The following NCAM2 variants were observed in gnomAD, a reference collection of about 807,000 sequenced individuals.
The protein encoded by NCAM2 is neural cell adhesion molecule 2.
In NCAM2, 30 loss-of-function variants were observed where a neutral mutation model predicts 98.1. The observed-to-expected ratio is 0.31, with a 90% CI of 0.23 to 0.41. The LOEUF is 0.41. NCAM2 is among the 10% of genes least tolerant of loss of function. The probability of loss-of-function intolerance (pLI) is 1.00; values close to 1 mark genes in which losing one functional copy is unlikely to be tolerated. For missense variants in NCAM2, 867 were observed against 1,005.8 expected, an observed-to-expected ratio of 0.86 and a Z score of 1.87; for synonymous variants, 368 against 342.4, an observed-to-expected ratio of 1.07 and a Z score of -0.83.
chr21:21,113,226 G>A (rs902535661), intron 1 of NCAM2, among the ~76,000 whole-genome samples: 1 of 152,160 alleles, frequency 6.6e-6, no homozygotes, highest in Non-Finnish European at 1.5e-5. Context: ...CTTTGCGCTA[G>A]TAGGCAAAAG....
At chr21:21,436,869 C>G (rs890113067) in intron 12 of NCAM2, among the ~76,000 whole-genome samples, 1 of 151,488 alleles carries the variant, frequency 6.6e-6, no homozygotes, top group Non-Finnish European at 1.5e-5. Flanking sequence ...TCAAGCGATT[C>G]TCGTGCCTCA....
intron 1 of NCAM2, among the ~76,000 whole-genome samples, chr21:21,005,363 T>C (rs1953130227): frequency 6.6e-6 from 1 of 152,064 alleles, no homozygotes; most frequent in South Asian, 2.1e-4. Flanking sequence ...CCGCATGAAG[T>C]TTTACGTTTA....
At chr21:21,187,364 A>G (rs1163788600) in intron 1 of NCAM2, among the ~76,000 whole-genome samples, 1 of 152,194 alleles carries the variant, frequency 6.6e-6, no homozygotes, top group African/African-American at 2.4e-5. Context: ...TCACATAGTC[A>G]TGCTGCACCA....
intron 1 of NCAM2, among the ~76,000 whole-genome samples, chr21:21,256,229 G>A (rs1202528628): frequency 2.0e-5 from 3 of 151,918 alleles, no homozygotes; most frequent in South Asian, 4.1e-4. Flanking sequence ...GGTGGTGGGC[G>A]CCTGTAATCC....
intron 1 of NCAM2, among the ~76,000 whole-genome samples, chr21:21,057,323 C>T (rs1300782614): frequency 6.6e-6 from 1 of 152,088 alleles, no homozygotes; most frequent in Non-Finnish European, 1.5e-5. Context: ...CAAAGACGTG[C>T]AATTACCTAT....
intron 1 of NCAM2, among the ~76,000 whole-genome samples, chr21:21,080,789 A>T (rs2065782005): frequency 6.6e-6 from 1 of 151,886 alleles, no homozygotes; most frequent in African/African-American, 2.4e-5. Context: ...TTAAAGTGTT[A>T]CTAGAGGCAG....
intron 16 of NCAM2, among the ~76,000 whole-genome samples, chr21:21,524,107 C>A (rs1426864507): frequency 6.6e-6 from 1 of 151,554 alleles, no homozygotes; most frequent in Non-Finnish European, 1.5e-5. Flanking sequence ...TAGAAAAAGA[C>A]ATACTATGCT....
chr21:21,432,489 A>G (rs1214929717), intron 12 of NCAM2, among the ~76,000 whole-genome samples: 1 of 151,756 alleles, frequency 6.6e-6, no homozygotes, highest in Non-Finnish European at 1.5e-5. Flanking sequence ...AGAGCTTAGT[A>G]GAATCAGCAG....
Position 21,259,239 on chromosome 21 carries a change from C to T in NCAM2, c.56-21339C>T, listed in dbSNP as rs886630164. Among the ~76,000 whole-genome samples the T allele has an allele frequency of 5.3e-5, 8 of 152,280 alleles. No individual in the cohort carries two copies. In the East Asian group the frequency reaches 1.6e-3, roughly 30 times the overall value. On this transcript the variant is annotated intron_variant, in intron 1 of 17. Coordinates refer to ENST00000400546, the MANE Select transcript of NCAM2 (RefSeq NM_004540.5). ...GAGGACAGACAAGCCATAGAGTTGT[C>T]TGCTCTGGACTGAGAGAAGAGTCTC...
At chr21:21,139,681 ATTGT>A (rs1438602054) in intron 1 of NCAM2, among the ~76,000 whole-genome samples, 1 of 152,188 alleles carries the variant, frequency 6.6e-6, no homozygotes, top group African/African-American at 2.4e-5. Context: ...GGAAGATTAA[ATTGT>A]TTGAAAATAT....
At chr21:21,218,373 G>A (rs1279490427) in intron 1 of NCAM2, among the ~76,000 whole-genome samples, 2 of 152,054 alleles carry the variant, frequency 1.3e-5, no homozygotes. Flanking sequence ...TGTTCAATAC[G>A]GAGGGCCACA....
intron 1 of NCAM2, among the ~76,000 whole-genome samples, chr21:21,125,680 A>G (rs2066803353): frequency 8.1e-6 from 1 of 122,988 alleles, no homozygotes; most frequent in Non-Finnish European, 1.7e-5. Context: ...ATATATAGAG[A>G]TATATATGTA....
intron 1 of NCAM2, among the ~76,000 whole-genome samples, chr21:21,207,435 T>G (rs2069481538): frequency 6.6e-6 from 1 of 152,170 alleles, no homozygotes; most frequent in African/African-American, 2.4e-5. Flanking sequence ...AAATTAAAGA[T>G]ACTGTGTTTG....
chr21:21,053,732 T>C (rs534466267), intron 1 of NCAM2, among the ~76,000 whole-genome samples: 2 of 151,770 alleles, frequency 1.3e-5, no homozygotes, highest in African/African-American at 4.8e-5. Flanking sequence ...TTCTGTCATT[T>C]TGCGTTTTGT....
At chr21:21,519,607 T>G (rs73326900) in intron 16 of NCAM2, among the ~76,000 whole-genome samples, 108 of 152,240 alleles carry the variant, frequency 7.1e-4, no homozygotes, top group African/African-American at 2.5e-3. Flanking sequence ...TTTTAAAACC[T>G]GCTGAGTTTA....
At chr21:21,448,201 A>ATACT (rs1215539427) in intron 12 of NCAM2, among the ~76,000 whole-genome samples, 1 of 152,170 alleles carries the variant, frequency 6.6e-6, no homozygotes, top group East Asian at 1.9e-4. Flanking sequence ...ACACCATGGA[A>ATACT]TACTATGCAG....
chr21:21,187,405 G>A (rs1228110046), intron 1 of NCAM2, among the ~76,000 whole-genome samples: 1 of 151,884 alleles, frequency 6.6e-6, no homozygotes, highest in African/African-American at 2.4e-5. Context: ...TCCCTGGTGA[G>A]TTTTAGCCTC....
In NCAM2 at chr21:21,538,168, G is replaced by A. The variant is rs554551334; in HGVS notation, c.*211G>A. On this transcript the variant is annotated 3_prime_UTR_variant, in exon 18 of 18. Coordinates refer to ENST00000400546, the MANE Select transcript of NCAM2 (RefSeq NM_004540.5). ...TTGCTGTTGTTGTTAATTTTGTTAA[G>A]AATTTCAATATCAAGACTGACTGGC... 33 of 331,060 alleles carry A rather than the reference G, an allele frequency of 1.0e-4. No individual in the cohort carries two copies. The highest frequency in any genetic ancestry group is 7.9e-4 in the Middle Eastern group (1 of 1,264). 20.5% of individuals were successfully genotyped at this position (331,060 alleles called of 1,614,324 possible).
At chr21:21,521,651 C>G (rs747328576) in intron 16 of NCAM2, among the ~76,000 whole-genome samples, 9 of 151,882 alleles carry the variant, frequency 5.9e-5, no homozygotes, top group Non-Finnish European at 1.3e-4. Flanking sequence ...AAGAAAGAAT[C>G]TCTGAGCTTG....
Sources: gnomAD v4.1 joint callset for allele counts (sites outside exome capture counted in the v4.1 genomes callset) on GRCh38, gnomAD v4.1.1 for gene constraint, MANE v1.5 for transcripts, NCBI Gene and HGNC (gene_info 2026-07-23, HGNC 2026-07-21) for gene names.